Variants in DNM3 observed in about 807,000 individuals in gnomAD.
DNM3 encodes the protein dynamin 3.
In DNM3, 47 loss-of-function variants were observed where a neutral mutation model predicts 101.6. That is an observed-to-expected ratio of 0.46 (90% CI 0.37 to 0.59). The LOEUF (loss-of-function observed/expected upper bound fraction) is 0.59, where lower values mean the gene tolerates loss of function less well. Among genes scored for constraint, DNM3 ranks in the 20% least tolerant of loss-of-function variants. The pLI is 0.00. For missense variants in DNM3, 849 were observed against 1,085.7 expected, an observed-to-expected ratio of 0.78 and a Z score of 3.06; for synonymous variants, 385 against 387.9, an observed-to-expected ratio of 0.99 and a Z score of 0.09.
At chr1:171,961,284 G>A (rs137988843) in intron 2 of DNM3, among the ~76,000 whole-genome samples, 18 of 152,166 alleles carry the variant, frequency 1.2e-4, no homozygotes, top group Middle Eastern at 3.4e-3. Flanking sequence ...GGTAGAGGGC[G>A]GAAGGACATG....
intron 20 of DNM3, among the ~76,000 whole-genome samples, chr1:172,406,193 G>A (rs145346880): frequency 1.1e-4 from 16 of 152,052 alleles, no homozygotes; most frequent in African/African-American, 3.9e-4. Flanking sequence ...TATCAGGAGA[G>A]GGGAAGGCAG....
intron 14 of DNM3, among the ~76,000 whole-genome samples, chr1:172,177,891 C>T (rs1425785455): frequency 6.6e-6 from 1 of 151,736 alleles, no homozygotes; most frequent in Non-Finnish European, 1.5e-5. Flanking sequence ...GGGTTTTTTT[C>T]CCTTAATGTG....
intron 14 of DNM3, among the ~76,000 whole-genome samples, chr1:172,232,094 C>T (rs2061359556): frequency 6.6e-6 from 1 of 152,060 alleles, no homozygotes; most frequent in Middle Eastern, 3.2e-3. Flanking sequence ...CAAAGACTGG[C>T]AAATTGGATA....
At chr1:171,910,572 C>G (rs2039213638) in intron 1 of DNM3, among the ~76,000 whole-genome samples, 1 of 152,146 alleles carries the variant, frequency 6.6e-6, no homozygotes, top group Non-Finnish European at 1.5e-5. Flanking sequence ...AAGCTACATG[C>G]TTACCTGTGG....
intron 1 of DNM3, among the ~76,000 whole-genome samples, chr1:171,863,307 G>A (rs2034376288): frequency 6.6e-6 from 1 of 152,054 alleles, no homozygotes. Context: ...AGGTAAAGAA[G>A]CTGGTGCAGA....
At chr1:171,906,584 T>C (rs1260916212) in intron 1 of DNM3, among the ~76,000 whole-genome samples, 2 of 152,242 alleles carry the variant, frequency 1.3e-5, no homozygotes, top group African/African-American at 4.8e-5. Context: ...ATCTTGAGTC[T>C]ACTATTTTTG....
At chr1:172,230,038 T>C (rs2061275146) in intron 14 of DNM3, among the ~76,000 whole-genome samples, 1 of 152,200 alleles carries the variant, frequency 6.6e-6, no homozygotes, top group South Asian at 2.1e-4. Context: ...TTTTTAATTC[T>C]TTCACTAGGG....
At chr1:172,250,012 TAAAC>T (rs1197946770) in intron 14 of DNM3, among the ~76,000 whole-genome samples, 3 of 152,182 alleles carry the variant, frequency 2.0e-5, no homozygotes, top group Non-Finnish European at 4.4e-5. Context: ...ATAAGCTACT[TAAAC>T]AAGAGAGTTG....
chr1:172,203,353 C>T (rs2060216536), intron 14 of DNM3, among the ~76,000 whole-genome samples: 1 of 152,110 alleles, frequency 6.6e-6, no homozygotes, highest in Non-Finnish European at 1.5e-5. Flanking sequence ...CTCTTTTGGT[C>T]AGATAAACCG....
At chr1:172,105,985 G>A (rs527729485) in intron 13 of DNM3, among the ~76,000 whole-genome samples, 1 of 152,112 alleles carries the variant, frequency 6.6e-6, no homozygotes, top group South Asian at 2.1e-4. Context: ...CAACTGTGTA[G>A]TTACATCTTT....
intron 1 of DNM3, among the ~76,000 whole-genome samples, chr1:171,905,343 G>A (rs1220774541): frequency 6.6e-6 from 1 of 152,214 alleles, no homozygotes; most frequent in Non-Finnish European, 1.5e-5. Context: ...TATGCAGGGA[G>A]TAAGGAGTCT....
chr1:172,050,335 G>C (rs1204708497), intron 10 of DNM3, among the ~76,000 whole-genome samples: 4 of 152,152 alleles, frequency 2.6e-5, no homozygotes, highest in Non-Finnish European at 4.4e-5. Context: ...TGTTTAGCCA[G>C]AGGCTTCTCT....
At chr1:171,903,604 T>A (rs1482072758) in intron 1 of DNM3, among the ~76,000 whole-genome samples, 1 of 152,248 alleles carries the variant, frequency 6.6e-6, no homozygotes, top group East Asian at 1.9e-4. Flanking sequence ...TTTAAGGTCC[T>A]GTAGCTAGTG....
chr1:172,069,889 G>C (rs1284838754), intron 11 of DNM3, among the ~76,000 whole-genome samples: 1 of 152,116 alleles, frequency 6.6e-6, no homozygotes, highest in African/African-American at 2.4e-5. Context: ...AGGGAGAAAT[G>C]GGGAAAAGGA....
chr1:171,988,980 A>T lies in DNM3; in HGVS notation c.421A>T (p.Thr141Ser), dbSNP rs371615077. Reference protein sequence around the residue: ...NLTLIDLPGITKVPVGDQPPD... With the variant: ...NLTLIDLPGISKVPVGDQPPD... ...AACCCTTATTGATCTACCTGGAATA[A>T]CTAAAGTGCCTGTGGGAGATCAGCC... Residue 141 changes from threonine (T) to serine (S), a missense_variant, in exon 4 of 21, where the codon ACT (threonine) becomes TCT (serine). Physicochemically the swap from Thr to Ser is moderately conservative, Grantham distance 58 (BLOSUM62 1). Transcript: ENST00000627582. 18 of 1,602,876 alleles carry T rather than the reference A, an allele frequency of 1.1e-5. No individual in the cohort carries two copies. The highest frequency in any genetic ancestry group is 9.0e-5 in the South Asian group (8 of 88,896).
At chr1:172,341,792 A>C (rs1198588139) in intron 17 of DNM3, among the ~76,000 whole-genome samples, 1 of 152,176 alleles carries the variant, frequency 6.6e-6, no homozygotes, top group Non-Finnish European at 1.5e-5. Context: ...AAGATAACTT[A>C]GGCGATACCA....
chr1:172,316,707 C>T (rs2065380414), intron 16 of DNM3, among the ~76,000 whole-genome samples: 1 of 152,182 alleles, frequency 6.6e-6, no homozygotes, highest in South Asian at 2.1e-4. Flanking sequence ...AATATATATG[C>T]ACCCAATACA....
intron 2 of DNM3, among the ~76,000 whole-genome samples, chr1:171,980,151 C>CTTTTT (rs35057661): frequency 1.4e-3 from 200 of 138,346 alleles, no homozygotes; most frequent in African/African-American, 5.1e-3. Context: ...TTTAGATTTC[C>CTTTTT]TTTTTTTTTT....
chr1:172,417,676 G>T (rs1446508269), downstream of DNM3, among the ~76,000 whole-genome samples: 1 of 152,096 alleles, frequency 6.6e-6, no homozygotes, highest in Non-Finnish European at 1.5e-5. Flanking sequence ...TACACACCAG[G>T]ACTACTCACC....
Sources: gnomAD v4.1 joint callset for allele counts (sites outside exome capture counted in the v4.1 genomes callset) on GRCh38, gnomAD v4.1.1 for gene constraint, MANE v1.5 for transcripts, NCBI Gene and HGNC (gene_info 2026-07-23, HGNC 2026-07-21) for gene names.